The following PCDHGA2 variants were observed in gnomAD, a reference collection of about 807,000 sequenced individuals.
PCDHGA2 encodes the protein protocadherin gamma-A2.
PCDHGA2 carries 40 observed loss-of-function variants against 59.2 expected under a neutral mutation model. That is an observed-to-expected ratio of 0.68 (90% CI 0.52 to 0.88). PCDHGA2 has a LOEUF of 0.88. Ranked by LOEUF, PCDHGA2 falls within the 40% of genes least tolerant of loss-of-function variation. PCDHGA2 has a pLI of 0.00. For synonymous variants in PCDHGA2, 560 were observed against 526.0 expected, an observed-to-expected ratio of 1.06 and a Z score of -0.89; for missense variants, 1,226 against 1,204.0, an observed-to-expected ratio of 1.02 and a Z score of -0.27.
intron 1 of PCDHGA2, chr5:141,415,323 G>C: frequency 1.9e-6 from 3 of 1,614,236 alleles, no homozygotes; most frequent in South Asian, 2.2e-5. Flanking sequence ...TCGTGCTGCT[G>C]GCGCACAGGC....
chr5:141,366,006 C>A lies in PCDHGA2; in HGVS notation c.2424+24611C>A, dbSNP rs760966863. The A allele has an allele frequency of 4.3e-6, 7 of 1,614,122 alleles. No homozygotes were observed. The highest frequency in any genetic ancestry group is 5.9e-6 in the Non-Finnish European group (7 of 1,180,046). On this transcript the variant is annotated intron_variant, in intron 1 of 3. Transcript: ENST00000394576. Reference sequence around the variant, plus strand: ...TTTGTGCTGGACCAGAACGACAATACGCCTGAGATCCTGTACCCCGCCCTC... The same window carrying A: ...TTTGTGCTGGACCAGAACGACAATAAGCCTGAGATCCTGTACCCCGCCCTC...
intron 1 of PCDHGA2, chr5:141,403,246 G>C: frequency 6.2e-7 from 1 of 1,613,930 alleles, no homozygotes; most frequent in South Asian, 1.1e-5. Flanking sequence ...TCTGTGCTCA[G>C]AGCCCGCGGT....
At chr5:141,439,547 T>C (rs2098120171) in intron 1 of PCDHGA2, among the ~76,000 whole-genome samples, 2 of 152,180 alleles carry the variant, frequency 1.3e-5, no homozygotes, top group Non-Finnish European at 2.9e-5. Context: ...CTCTCATTTC[T>C]TCAGGCTGCA....
chr5:141,402,996 T>G, intron 1 of PCDHGA2: 3 of 1,613,890 alleles, frequency 1.9e-6, no homozygotes, highest in Non-Finnish European at 1.7e-6. Context: ...AGATTAGTCC[T>G]GCTATGCTCG....
intron 1 of PCDHGA2, among the ~76,000 whole-genome samples, chr5:141,426,099 G>A (rs1590666889): frequency 1.3e-5 from 2 of 152,348 alleles, no homozygotes; most frequent in African/African-American, 4.8e-5. Context: ...ATTCTGTTCA[G>A]TCACAGAAGC....
rs560131895 is a variant in PCDHGA2 at position 141,355,962 on chromosome 5, C to G, written c.2424+14567C>G. 2.5e-6 allele frequency: 4 copies of G among 1,613,898 alleles called. No individual in the cohort carries two copies. Among genetic ancestry groups the G allele is most frequent in the Non-Finnish European group, 3.4e-6 (4 of 1,179,866 alleles). On this transcript the variant is annotated intron_variant, in intron 1 of 3. Coordinates refer to ENST00000394576, the MANE Select transcript of PCDHGA2 (RefSeq NM_018915.4). ...AGTACCACGTAAGTGTTCGTGAGAA[C>G]GTTCCTGTAGGCACTCGGCTACTCA... is the stretch of plus-strand genomic sequence containing the variant.
intron 1 of PCDHGA2, chr5:141,419,158 C>G (rs757849297): frequency 6.2e-7 from 1 of 1,613,950 alleles, no homozygotes; most frequent in South Asian, 1.1e-5. Context: ...CTCCGTTATC[C>G]TCCAGCAAAA....
Position 141,505,388 on chromosome 5 carries a change from C to T in PCDHGA2, c.2484-5C>T, listed in dbSNP as rs756505223. ...TCTGTGCTCACCATCCTACTCTCTCCCCAGCTCCCAAAATGGCGATGACAC... is the reference window on the plus strand; with the variant it reads ...TCTGTGCTCACCATCCTACTCTCTCTCCAGCTCCCAAAATGGCGATGACAC... On this transcript the variant is annotated splice_polypyrimidine_tract_variant and splice_region_variant and intron_variant, in intron 2 of 3. Transcript: ENST00000394576. The T allele has an allele frequency of 6.2e-7, 1 of 1,613,972 alleles. No homozygotes were observed. The highest frequency in any genetic ancestry group is 2.2e-5 in the East Asian group (1 of 44,886).
intron 1 of PCDHGA2, chr5:141,398,587 C>G: frequency 6.2e-7 from 1 of 1,613,860 alleles, no homozygotes; most frequent in Non-Finnish European, 8.5e-7. Context: ...AAGATTTATA[C>G]TAGAAGTAGC....
intron 1 of PCDHGA2, chr5:141,355,187 G>A (rs1759746421): frequency 6.3e-7 from 1 of 1,589,120 alleles, no homozygotes. Context: ...AGGCGACTCC[G>A]CGGCGGGGTT....
At chr5:141,351,562 C>T in intron 1 of PCDHGA2, 3 of 1,614,052 alleles carry the variant, frequency 1.9e-6, no homozygotes, top group Non-Finnish European at 2.5e-6. Context: ...GGACAAGCAT[C>T]ACCCTGCACA....
chr5:141,415,764 T>G lies in PCDHGA2; in HGVS notation c.2424+74369T>G, dbSNP rs1158166352. The G allele has an allele frequency of 5.0e-6, 7 of 1,391,674 alleles. No homozygotes were observed. The African/African-American group carries it at 7.5e-5, about 15-fold the overall frequency. 86.2% of individuals were successfully genotyped at this position (1,391,674 alleles called of 1,614,324 possible). Reference sequence around the variant, plus strand: ...GGTTTTTTTTTTTTTTTTTTTTTTTTTTTTTTTTACTTTCTGGTAAAATTC... The same window carrying G: ...GGTTTTTTTTTTTTTTTTTTTTTTTGTTTTTTTTACTTTCTGGTAAAATTC... On this transcript the variant is annotated intron_variant, in intron 1 of 3. Coordinates refer to ENST00000394576, the MANE Select transcript of PCDHGA2 (RefSeq NM_018915.4).
intron 1 of PCDHGA2, chr5:141,426,680 T>C (rs1261836011): frequency 2.3e-6 from 1 of 431,334 alleles, no homozygotes; most frequent in East Asian, 7.2e-5. Flanking sequence ...CACCTCATTT[T>C]CCCCAAAATA....
rs143278253 is a variant in PCDHGA2 at position 141,476,491 on chromosome 5, C to T, written c.2425-18316C>T. 9.5e-5 allele frequency: 153 copies of T among 1,613,894 alleles called. No individual in the cohort carries two copies. The highest frequency in any genetic ancestry group is 5.4e-5 in the Non-Finnish European group (64 of 1,180,020). On this transcript the variant is annotated intron_variant, in intron 1 of 3. Transcript: ENST00000394576. This position sits in a 1 kb window ranked among gnomAD's most constrained non-coding sequence, Gnocchi z 7.6. ...AGCTGTTCAGCGTGGAAGTGGTGAT[C>T]CAGGACATCAACGACAACAATCCTG... is the stretch of plus-strand genomic sequence containing the variant.
At position 141,384,236 on chromosome 5, in the gene PCDHGA2, A is replaced by G. The variant is rs199759698; in HGVS notation, c.2424+42841A>G. On this transcript the variant is annotated intron_variant, in intron 1 of 3. Transcript: ENST00000394576. ...ATATTCATGCAGGTGGCAGACACCA[A>G]CGATAACCCACCCACCTTCCCCCAC... The G allele has an allele frequency of 1.1e-4, 176 of 1,613,768 alleles. No homozygotes were observed. The highest frequency in any genetic ancestry group is 1.5e-4 in the Non-Finnish European group (172 of 1,179,900).
At chr5:141,415,736 TA>T in intron 1 of PCDHGA2, 1 of 1,289,980 alleles carries the variant, frequency 7.8e-7, no homozygotes, top group South Asian at 1.8e-5. Context: ...TGATGTTTAT[TA>T]AGGTTTTTTT....
chr5:141,351,376 T>C (rs1181655493), intron 1 of PCDHGA2: 2 of 1,612,508 alleles, frequency 1.2e-6, no homozygotes, highest in East Asian at 2.2e-5. Flanking sequence ...ACAAGGATTC[T>C]GGGCAAAATG....
chr5:141,376,688 T>G (rs959333255), intron 1 of PCDHGA2: 5 of 824,852 alleles, frequency 6.1e-6, no homozygotes, highest in Non-Finnish European at 9.0e-6. Context: ...TTTTTTTTTT[T>G]TTTTTTTTTG....
intron 1 of PCDHGA2, chr5:141,388,885 A>G (rs1359019533): frequency 1.9e-6 from 3 of 1,614,002 alleles, no homozygotes; most frequent in East Asian, 2.2e-5. Context: ...GTGGAGGTAG[A>G]AGTCATAGAT....
Sources: allele counts gnomAD v4.1 joint callset (sites outside exome capture counted in the v4.1 genomes callset), GRCh38; gene constraint gnomAD v4.1.1; non-coding constraint Gnocchi (gnomAD v3.1); transcripts MANE v1.5; gene names NCBI Gene and HGNC (gene_info 2026-07-23, HGNC 2026-07-21).